The following DGKI variants were observed in gnomAD, a reference collection of about 807,000 sequenced individuals.
The protein encoded by DGKI is DAG kinase iota.
Under a neutral mutation model 147.5 loss-of-function variants are expected in DGKI, and 55 were observed. The ratio of observed to expected loss-of-function variants is 0.37; its 90% CI spans 0.30 to 0.47. The LOEUF is 0.47. DGKI is among the 20% of genes least tolerant of loss of function. DGKI has a pLI of 1.00. For synonymous variants in DGKI, 469 were observed against 477.1 expected (o/e 0.98, Z 0.22); for missense variants, 1,007 against 1,323.8 (o/e 0.76, Z 3.71).
intron 1 of DGKI, among the ~76,000 whole-genome samples, chr7:137,700,638 G>A (rs1413074218): frequency 1.3e-5 from 2 of 152,146 alleles, no homozygotes; most frequent in African/African-American, 2.4e-5. Flanking sequence ...AGCACTTTGG[G>A]AGGCCAAGGC....
rs539628747 is a variant in DGKI, at chr7:137,824,275, G to A, written c.401+22187C>T. 2.0e-5 allele frequency among the ~76,000 whole-genome samples: 3 copies of A among 152,330 alleles called. No individual in the cohort carries two copies. The East Asian group carries it at 5.8e-4, about 29-fold the overall frequency. ...CTCACGCCTATAATCCCAGCACTTT[G>A]GGAAGCCGAGGCGGGTGGATAACCT... On this transcript the variant is annotated intron_variant, in intron 1 of 32. Coordinates refer to ENST00000614521, the MANE Select transcript of DGKI (RefSeq NM_001321708.2).
At chr7:137,475,294 T>C (rs1815131214) in intron 23 of DGKI, among the ~76,000 whole-genome samples, 1 of 152,156 alleles carries the variant, frequency 6.6e-6, no homozygotes, top group Admixed American at 6.5e-5. Context: ...ATCATGCCAT[T>C]TGTTGGTTTG....
chr7:137,605,158 A>G (rs535404947), intron 10 of DGKI, among the ~76,000 whole-genome samples: 111 of 151,854 alleles, frequency 7.3e-4, no homozygotes, highest in Middle Eastern at 3.4e-3. Flanking sequence ...AAATACAGAA[A>G]TTAGCCTGGT....
chr7:137,690,302 T>C (rs1168982120), intron 1 of DGKI, among the ~76,000 whole-genome samples: 1 of 151,912 alleles, frequency 6.6e-6, no homozygotes, highest in Non-Finnish European at 1.5e-5. Flanking sequence ...GTCTTGACTC[T>C]TCATTTATGG....
chr7:137,671,529 A>G lies in DGKI; in HGVS notation c.606+7028T>C, dbSNP rs144060767. On this transcript the variant is annotated intron_variant, in intron 3 of 32. Transcript: ENST00000614521. ...GACATTGAACCATAGTAGGTACAGA[A>G]GAGGAGGAAAATGAATACAAACATT... Among the ~76,000 whole-genome samples the G allele has an allele frequency of 8.5e-4, 130 of 152,354 alleles. 2 individuals carry two copies. In the East Asian group the frequency reaches 0.024, roughly 28 times the overall value.
At position 137,768,285 on chromosome 7, in the gene DGKI, T is replaced by C. The variant is rs934443939; in HGVS notation, c.401+78177A>G. On this transcript the variant is annotated intron_variant, in intron 1 of 32. Transcript: ENST00000614521. ...ATGATCATAGTATAAACATAGTATT[T>C]AGAAACACAGATATAAATAAATACC... is the stretch of plus-strand genomic sequence containing the variant. Among the ~76,000 whole-genome samples the C allele has an allele frequency of 1.4e-4, 22 of 152,298 alleles. 1 individual carries two copies. The highest frequency in any genetic ancestry group is 5.3e-4 in the African/African-American group (22 of 41,566).
intron 28 of DGKI, among the ~76,000 whole-genome samples, chr7:137,436,306 T>C (rs561048499): frequency 6.6e-6 from 1 of 152,258 alleles, no homozygotes; most frequent in South Asian, 2.1e-4. Context: ...TCAAGGGTTT[T>C]TCTTACTTAC....
At chr7:137,572,865 T>A (rs893213135) in intron 17 of DGKI, 27 bp from the exon 18 acceptor site, 1 of 1,556,312 alleles carries the variant, frequency 6.4e-7, no homozygotes, top group Non-Finnish European at 8.8e-7. Flanking sequence ...AGAAAAGGGG[T>A]TTTGAAGTAG....
At chr7:137,459,830 C>T (rs777625800) in intron 27 of DGKI, among the ~76,000 whole-genome samples, 1 of 151,994 alleles carries the variant, frequency 6.6e-6, no homozygotes, top group African/African-American at 2.4e-5. Context: ...TCATTGATTT[C>T]TCTCATTATC....
At chr7:137,436,828 T>C (rs1469584691) in intron 28 of DGKI, among the ~76,000 whole-genome samples, 1 of 150,670 alleles carries the variant, frequency 6.6e-6, no homozygotes, top group African/African-American at 2.5e-5. Context: ...TTCTCATAAA[T>C]ACGATATTGA....
intron 19 of DGKI, among the ~76,000 whole-genome samples, chr7:137,565,087 A>G (rs1818539874): frequency 6.6e-6 from 1 of 152,270 alleles, no homozygotes; most frequent in East Asian, 1.9e-4. Flanking sequence ...ATTTGCCATA[A>G]GAAAATAATT....
At chr7:137,408,033 A>C (rs772820996) in intron 29 of DGKI, 38 bp from the exon 30 acceptor site, 1 of 1,612,042 alleles carries the variant, frequency 6.2e-7, no homozygotes, top group African/African-American at 1.3e-5. Flanking sequence ...CTCAGGCAGA[A>C]TTCGGAACAA....
At chr7:137,673,565 A>G (rs868590520) in intron 3 of DGKI, among the ~76,000 whole-genome samples, 18 of 152,210 alleles carry the variant, frequency 1.2e-4, no homozygotes, top group African/African-American at 4.1e-4. Context: ...TTAAATCAGG[A>G]AACTGAGGCA....
intron 10 of DGKI, among the ~76,000 whole-genome samples, chr7:137,604,179 G>T (rs1310170557): frequency 2.0e-5 from 3 of 152,170 alleles, no homozygotes; most frequent in Non-Finnish European, 4.4e-5. Flanking sequence ...ACAAGAAGAT[G>T]TTGAGGCTGC....
At position 137,582,265 on chromosome 7, in the gene DGKI, T is replaced by A. The variant is rs527539186; in HGVS notation, c.1564-337A>T. ...ATTTGCAATAGTTACAGAGAAGAAT[T>A]CACTAAGCAAACCTAGAAAGTAAAT... On this transcript the variant is annotated intron_variant, in intron 14 of 32. Transcript: ENST00000614521. Among the ~76,000 whole-genome samples the A allele has an allele frequency of 8.5e-5, 13 of 152,200 alleles. No homozygotes were observed. In the South Asian group the frequency reaches 2.7e-3, roughly 32 times the overall value.
At chr7:137,489,942 TATTCAAGATATGGAATCAAGA>T (rs1446438877) in intron 21 of DGKI, among the ~76,000 whole-genome samples, 3 of 152,152 alleles carry the variant, frequency 2.0e-5, no homozygotes, top group African/African-American at 7.2e-5. Flanking sequence ...AGAGATTGTA[TATTCAAGATATGGAATCAAGA>T]GGAATAGCTA....
chr7:137,455,830 C>T (rs1456809722), intron 27 of DGKI, among the ~76,000 whole-genome samples: 1 of 152,118 alleles, frequency 6.6e-6, no homozygotes, highest in Non-Finnish European at 1.5e-5. Context: ...AATATGACAT[C>T]CCTCTCACAT....
At chr7:137,679,980 G>A (rs1397224495) in intron 2 of DGKI, among the ~76,000 whole-genome samples, 3 of 116,052 alleles carry the variant, frequency 2.6e-5, no homozygotes, top group Non-Finnish European at 4.7e-5. Context: ...GACAGAGTGA[G>A]ACTCCATCTC....
chr7:137,635,150 G>T (rs985300924), intron 6 of DGKI, among the ~76,000 whole-genome samples: 2 of 152,174 alleles, frequency 1.3e-5, no homozygotes, highest in Admixed American at 6.5e-5. Context: ...TGTGTCATGA[G>T]CCATCCCATT....
Sources: allele counts gnomAD v4.1 joint callset (sites outside exome capture counted in the v4.1 genomes callset), GRCh38; gene constraint gnomAD v4.1.1; transcripts MANE v1.5; gene names NCBI Gene and HGNC (gene_info 2026-07-23, HGNC 2026-07-21).